The following BCKDHB variants were observed in gnomAD, a reference collection of about 807,000 sequenced individuals.
BCKDHB encodes 2-oxoisovalerate dehydrogenase subunit beta, mitochondrial.
BCKDHB carries 41 observed loss-of-function variants against 48.5 expected under a neutral mutation model. The observed-to-expected ratio is 0.85, with a 90% CI of 0.66 to 1.10. The LOEUF is 1.10. Among genes scored for constraint, BCKDHB ranks in the 50% least tolerant of loss-of-function variants. BCKDHB has a pLI of 0.00. For missense variants in BCKDHB, 496 were observed against 494.2 expected (o/e 1.00, Z -0.03); for synonymous variants, 201 against 174.8 (o/e 1.15, Z -1.18).
chr6:80,192,701 A>C (rs1352358696), intron 6 of BCKDHB, among the ~76,000 whole-genome samples: 5 of 152,188 alleles, frequency 3.3e-5, no homozygotes, highest in African/African-American at 4.8e-5. Flanking sequence ...GTCTCATCAA[A>C]GCTTCTTTTT....
the BCKDHB span, among the ~76,000 whole-genome samples, chr6:80,388,370 A>G: frequency 6.6e-6 from 1 of 152,078 alleles, no homozygotes; most frequent in Non-Finnish European, 1.5e-5. Context: ...GTGGACCTAG[A>G]CCCTGCCATT....
At chr6:80,273,002 A>G in intron 8 of BCKDHB, 133 bp from the exon 9 acceptor site, 1 of 741,326 alleles carries the variant, frequency 1.3e-6, no homozygotes, top group South Asian at 1.7e-5. Flanking sequence ...ACTTATTGGC[A>G]TACAATTGAA....
At chr6:80,272,625 A>G (rs1777795385) in intron 8 of BCKDHB, among the ~76,000 whole-genome samples, 1 of 152,158 alleles carries the variant, frequency 6.6e-6, no homozygotes. Context: ...CACATTAACG[A>G]AGGAGGTTTA....
At chr6:80,357,675 T>C in the BCKDHB span, among the ~76,000 whole-genome samples, 13 of 152,356 alleles carry the variant, frequency 8.5e-5, no homozygotes, top group African/African-American at 2.9e-4. Context: ...TGCTACGTTT[T>C]CCTGGGCAGG....
intron 9 of BCKDHB, among the ~76,000 whole-genome samples, chr6:80,296,369 A>G (rs1457671282): frequency 6.6e-6 from 1 of 152,224 alleles, no homozygotes; most frequent in Non-Finnish European, 1.5e-5. Flanking sequence ...CAGTGATTTT[A>G]TGTAGCCATT....
At chr6:80,417,424 G>A in the BCKDHB span, among the ~76,000 whole-genome samples, 20 of 152,020 alleles carry the variant, frequency 1.3e-4, no homozygotes, top group African/African-American at 2.9e-4. Context: ...TTGTTTATGC[G>A]GTTGTTTTAT....
downstream of BCKDHB, among the ~76,000 whole-genome samples, chr6:80,348,067 A>G (rs1770288088): frequency 6.6e-6 from 1 of 152,194 alleles, no homozygotes; most frequent in African/African-American, 2.4e-5. Context: ...ACTGCATTCT[A>G]TGCAACTAAT....
rs578086136 is a variant in BCKDHB at position 80,322,357 on chromosome 6, GC to G, written c.1039-21305del. On this transcript the variant is annotated intron_variant, in intron 9 of 9. Transcript: ENST00000320393. ...AGGTTCAAGTGATTCTCCTGCCTCA[GC>G]CTCCCGAGTAGCTGGGATTACAGGC... 6.7e-5 allele frequency among the ~76,000 whole-genome samples: 10 copies of G among 149,764 alleles called. No homozygotes were observed. In the South Asian group the frequency reaches 1.9e-3, roughly 28 times the overall value.
the BCKDHB span, among the ~76,000 whole-genome samples, chr6:80,382,860 A>G: frequency 6.6e-6 from 1 of 152,150 alleles, no homozygotes; most frequent in African/African-American, 2.4e-5. Context: ...GCAGTTAGCA[A>G]ATTCTTTTCT....
intron 7 of BCKDHB, 101 bp downstream of exon 7, chr6:80,201,132 A>G: frequency 2.0e-6 from 2 of 980,412 alleles, no homozygotes; most frequent in Non-Finnish European, 3.2e-6. Flanking sequence ...TTTTCTTTAT[A>G]TCTCAGATTA....
intron 3 of BCKDHB, among the ~76,000 whole-genome samples, chr6:80,158,688 C>T (rs994062599): frequency 1.3e-4 from 20 of 152,174 alleles, no homozygotes; most frequent in Non-Finnish European, 1.5e-5. Context: ...GGCCTTTGTA[C>T]TCTCACACTG....
intron 6 of BCKDHB, among the ~76,000 whole-genome samples, chr6:80,186,759 A>G (rs752493201): frequency 1.3e-5 from 2 of 152,124 alleles, no homozygotes; most frequent in Non-Finnish European, 2.9e-5. Context: ...CTCTGGTTTG[A>G]GCCGGGAACT....
chr6:80,264,955 A>G (rs761481909), intron 8 of BCKDHB, among the ~76,000 whole-genome samples: 2 of 152,100 alleles, frequency 1.3e-5, no homozygotes, highest in Non-Finnish European at 2.9e-5. Flanking sequence ...AAGCACCTGG[A>G]AATTGCTTAA....
chr6:80,156,116 G>C (rs1284971684), intron 3 of BCKDHB, among the ~76,000 whole-genome samples: 1 of 151,892 alleles, frequency 6.6e-6, no homozygotes, highest in Non-Finnish European at 1.5e-5. Flanking sequence ...CCAACCCTCT[G>C]TGTCCATGAA....
the BCKDHB span, among the ~76,000 whole-genome samples, chr6:80,397,716 T>C: frequency 1.3e-5 from 2 of 152,150 alleles, no homozygotes; most frequent in Non-Finnish European, 2.9e-5. Context: ...ACCCCATCTC[T>C]ACTAAAAATA....
chr6:80,304,606 T>G (rs911195229), intron 9 of BCKDHB, among the ~76,000 whole-genome samples: 2 of 152,240 alleles, frequency 1.3e-5, no homozygotes, highest in East Asian at 3.9e-4. Context: ...TTTATAAATT[T>G]TGTGTAACTT....
chr6:80,125,832 A>G (rs910437137), intron 1 of BCKDHB, among the ~76,000 whole-genome samples: 3 of 152,204 alleles, frequency 2.0e-5, no homozygotes, highest in Admixed American at 6.5e-5. Flanking sequence ...AGAGATCATG[A>G]TAACAGATGT....
At chr6:80,255,135 G>A (rs1776997727) in intron 8 of BCKDHB, among the ~76,000 whole-genome samples, 1 of 152,126 alleles carries the variant, frequency 6.6e-6, no homozygotes, top group South Asian at 2.1e-4. Flanking sequence ...CTTCTGGATT[G>A]TATACTCCTT....
downstream of BCKDHB, among the ~76,000 whole-genome samples, chr6:80,348,763 A>C (rs1305176234): frequency 2.6e-5 from 4 of 152,136 alleles, no homozygotes; most frequent in Admixed American, 2.6e-4. Context: ...GACCCCAAAA[A>C]AGTCACATTG....
Sources: allele counts gnomAD v4.1 joint callset (sites outside exome capture counted in the v4.1 genomes callset), GRCh38; gene constraint gnomAD v4.1.1; transcripts MANE v1.5; gene names NCBI Gene and HGNC (gene_info 2026-07-23, HGNC 2026-07-21).